TMEM182: variants seen among roughly 807,000 people sequenced by gnomAD.
The protein encoded by TMEM182 is transmembrane protein 182.
TMEM182 carries 20 observed loss-of-function variants against 26.8 expected under a neutral mutation model. That is an observed-to-expected ratio of 0.75 (90% CI 0.53 to 1.09). The LOEUF (loss-of-function observed/expected upper bound fraction) is 1.09, where lower values mean the gene tolerates loss of function less well. Among genes scored for constraint, TMEM182 ranks in the 50% least tolerant of loss-of-function variants. The pLI, the probability that TMEM182 is intolerant of heterozygous loss-of-function variation, is 0.00. For synonymous variants in TMEM182, 109 were observed against 102.2 expected (o/e 1.07, Z -0.40); for missense variants, 277 against 275.5 (o/e 1.01, Z -0.04).
At chr2:102,812,584 A>G (rs892627747) in intron 4 of TMEM182, among the ~76,000 whole-genome samples, 15 of 152,218 alleles carry the variant, frequency 9.9e-5, no homozygotes, top group Admixed American at 6.5e-5. Context: ...CAATATTTAA[A>G]TATAAGTTAA....
At chr2:102,795,836 C>T (rs1262875831) in intron 3 of TMEM182, among the ~76,000 whole-genome samples, 22 of 152,218 alleles carry the variant, frequency 1.4e-4, no homozygotes, top group South Asian at 2.1e-4. Context: ...TGGCCTCCTG[C>T]GCTGTGGCAC....
At chr2:102,800,987 TG>T (rs982658462) in intron 4 of TMEM182, among the ~76,000 whole-genome samples, 5 of 152,310 alleles carry the variant, frequency 3.3e-5, no homozygotes, top group South Asian at 4.1e-4. Context: ...CACCTGTAAC[TG>T]GTGGATTTTT....
intron 3 of TMEM182, among the ~76,000 whole-genome samples, chr2:102,788,364 C>T (rs947109333): frequency 2.0e-5 from 3 of 152,104 alleles, no homozygotes; most frequent in East Asian, 1.9e-4. Context: ...CTGAGGGAGA[C>T]GCGGGCAGGG....
At position 102,817,515 on chromosome 2, in the gene TMEM182, A is replaced by T. The variant is rs538242058; in HGVS notation, c.*2547A>T. On this transcript the variant is annotated 3_prime_UTR_variant, in exon 5 of 5. Transcript: ENST00000412401. ...ATTGGCTGGAGAGACTACACAGAGA[A>T]GTTTAATGATCGTGTACAATTTGAG... 1 of 985,430 alleles carries T rather than the reference A, an allele frequency of 1.0e-6. No individual in the cohort carries two copies. The highest frequency in any genetic ancestry group is 1.1e-4 in the East Asian group (1 of 8,814). 61.0% of individuals were successfully genotyped at this position (985,430 alleles called of 1,614,324 possible).
chr2:102,843,324 C>T (rs1239883558), intron 3 of TMEM182: 1 of 152,222 alleles, frequency 6.6e-6, no homozygotes, highest in Non-Finnish European at 1.5e-5. Flanking sequence ...TTCCAATCTA[C>T]CTAATCCATG....
intron 1 of TMEM182, among the ~76,000 whole-genome samples, chr2:102,753,646 C>T (rs1016397863): frequency 1.4e-4 from 22 of 152,316 alleles, no homozygotes; most frequent in African/African-American, 5.1e-4. Flanking sequence ...GCTTGGATTA[C>T]AGACATAAAC....
At chr2:102,817,924 A>G (rs1483473293), downstream of TMEM182, among the ~76,000 whole-genome samples, 2 of 152,188 alleles carry the variant, frequency 1.3e-5, no homozygotes, top group South Asian at 2.1e-4. Flanking sequence ...GTTTCACTCA[A>G]TGGATGGTGG....
intron 4 of TMEM182, among the ~76,000 whole-genome samples, chr2:102,803,976 A>G (rs1340907499): frequency 2.6e-5 from 4 of 152,172 alleles, no homozygotes; most frequent in African/African-American, 9.7e-5. Context: ...CCACATCTGC[A>G]TGCACACGCA....
At chr2:102,770,023 T>A (rs950471219) in intron 3 of TMEM182, among the ~76,000 whole-genome samples, 4 of 152,154 alleles carry the variant, frequency 2.6e-5, no homozygotes, top group Non-Finnish European at 4.4e-5. Flanking sequence ...TTGATACTGA[T>A]GAGAAATTGC....
At chr2:102,755,017 T>A (rs954722992) in intron 1 of TMEM182, among the ~76,000 whole-genome samples, 1 of 152,184 alleles carries the variant, frequency 6.6e-6, no homozygotes, top group African/African-American at 2.4e-5. Context: ...GACTCTAGAT[T>A]TTAACAGATT....
At chr2:102,842,720 C>T (rs1231716905) in intron 3 of TMEM182, among the ~76,000 whole-genome samples, 1 of 152,126 alleles carries the variant, frequency 6.6e-6, no homozygotes, top group Non-Finnish European at 1.5e-5. Flanking sequence ...TTTGCGATTT[C>T]CCACTTCCTG....
chr2:102,812,353 GTCTCTC>G (rs149818584), intron 4 of TMEM182, among the ~76,000 whole-genome samples: 9 of 136,812 alleles, frequency 6.6e-5, no homozygotes, highest in African/African-American at 2.2e-4. Flanking sequence ...CTCATTGTCT[GTCTCTC>G]TCTCTCTCTC....
intron 4 of TMEM182, among the ~76,000 whole-genome samples, chr2:102,804,338 G>A (rs902584417): frequency 2.6e-5 from 4 of 151,840 alleles, no homozygotes; most frequent in South Asian, 2.1e-4. Flanking sequence ...AGTCCCCAAA[G>A]TCCATTGTAT....
intron 3 of TMEM182, among the ~76,000 whole-genome samples, chr2:102,796,666 G>T (rs1197511515): frequency 1.3e-5 from 2 of 152,174 alleles, no homozygotes; most frequent in African/African-American, 4.8e-5. Flanking sequence ...AGCAGCCCTG[G>T]AAACCATGCC....
chr2:102,769,784 G>A (rs373703240), intron 3 of TMEM182, among the ~76,000 whole-genome samples: 1 of 152,180 alleles, frequency 6.6e-6, no homozygotes, highest in East Asian at 1.9e-4. Flanking sequence ...AAAATTGCTT[G>A]CCAACTGGTA....
intron 3 of TMEM182, among the ~76,000 whole-genome samples, chr2:102,786,208 C>CTTTT (rs1204344523): frequency 3.0e-5 from 3 of 98,458 alleles, no homozygotes; most frequent in African/African-American, 1.2e-4. Context: ...ACTCAGCAAT[C>CTTTT]TGTTTTTTTT....
At chr2:102,839,037 G>T (rs1008241668) in intron 3 of TMEM182, among the ~76,000 whole-genome samples, 2 of 152,148 alleles carry the variant, frequency 1.3e-5, no homozygotes, top group African/African-American at 4.8e-5. Flanking sequence ...TAGTAATTGT[G>T]CTTGTGTGTT....
intron 1 of TMEM182, among the ~76,000 whole-genome samples, chr2:102,745,751 A>T (rs529896192): frequency 6.6e-6 from 1 of 152,128 alleles, no homozygotes; most frequent in Non-Finnish European, 1.5e-5. Flanking sequence ...TTACTTTGTG[A>T]CTGGGTCCTT....
At chr2:102,800,445 G>T (rs1356344615) in intron 4 of TMEM182, among the ~76,000 whole-genome samples, 1 of 151,944 alleles carries the variant, frequency 6.6e-6, no homozygotes, top group Middle Eastern at 3.2e-3. Flanking sequence ...TCATCCCTCT[G>T]CTTGAATTCA....
Sources: allele counts gnomAD v4.1 joint callset (sites outside exome capture counted in the v4.1 genomes callset), GRCh38; gene constraint gnomAD v4.1.1; transcripts MANE v1.5; gene names NCBI Gene and HGNC (gene_info 2026-07-23, HGNC 2026-07-21).